Variants in CYP7B1 observed in about 807,000 individuals in gnomAD.
CYP7B1 encodes cytochrome P450 7B1.
CYP7B1 carries 29 observed loss-of-function variants against 42.7 expected under a neutral mutation model. That is an observed-to-expected ratio of 0.68 (90% CI 0.51 to 0.93). CYP7B1 has a LOEUF of 0.93. Ranked by LOEUF, CYP7B1 falls within the 40% of genes least tolerant of loss-of-function variation. The pLI is 0.00. For missense variants in CYP7B1, 655 were observed against 600.5 expected, an observed-to-expected ratio of 1.09 and a Z score of -0.95; for synonymous variants, 235 against 218.2, an observed-to-expected ratio of 1.08 and a Z score of -0.68.
chr8:64,656,411 A>G (rs759400226), intron 1 of CYP7B1, among the ~76,000 whole-genome samples: 22 of 152,202 alleles, frequency 1.4e-4, no homozygotes, highest in Non-Finnish European at 2.6e-4. Context: ...CAAGTGAGGT[A>G]ACTTTCTCAC....
At chr8:64,692,205 T>C (rs1246536353) in intron 1 of CYP7B1, among the ~76,000 whole-genome samples, 1 of 152,220 alleles carries the variant, frequency 6.6e-6, no homozygotes, top group African/African-American at 2.4e-5. Context: ...GTTACCTCCA[T>C]GTCAATAAGG....
At chr8:64,767,455 C>T (rs1045249236) in intron 1 of CYP7B1, among the ~76,000 whole-genome samples, 7 of 152,212 alleles carry the variant, frequency 4.6e-5, no homozygotes, top group African/African-American at 1.7e-4. Context: ...GGAAACCAAG[C>T]CCCAGTACTC....
intron 1 of CYP7B1, among the ~76,000 whole-genome samples, chr8:64,638,282 T>C (rs1194985873): frequency 6.6e-6 from 1 of 152,166 alleles, no homozygotes; most frequent in East Asian, 1.9e-4. Context: ...GCTGTGTGTG[T>C]GTTTGCAGGG....
intron 1 of CYP7B1, among the ~76,000 whole-genome samples, chr8:64,745,480 T>C (rs1286833976): frequency 2.0e-5 from 3 of 152,172 alleles, no homozygotes; most frequent in Non-Finnish European, 4.4e-5. Flanking sequence ...CTTTTGGAGA[T>C]TCTACATTTA....
chr8:64,734,510 T>C (rs181744515), intron 1 of CYP7B1: 1 of 152,318 alleles, frequency 6.6e-6, no homozygotes, highest in Non-Finnish European at 1.5e-5. Context: ...TCATAAGGCA[T>C]TAATCCATTC....
intron 1 of CYP7B1, among the ~76,000 whole-genome samples, chr8:64,768,171 C>T (rs1804140867): frequency 6.6e-6 from 1 of 152,096 alleles, no homozygotes; most frequent in Non-Finnish European, 1.5e-5. Flanking sequence ...AAAGAGGGTT[C>T]ACTAAAATAC....
At chr8:64,754,925 C>A (rs373012553) in intron 1 of CYP7B1, among the ~76,000 whole-genome samples, 1 of 152,214 alleles carries the variant, frequency 6.6e-6, no homozygotes, top group East Asian at 1.9e-4. Context: ...TCTTGAAGAT[C>A]TTAAGAGCAG....
intron 1 of CYP7B1, among the ~76,000 whole-genome samples, chr8:64,662,683 T>C (rs1408325859): frequency 6.6e-6 from 1 of 152,152 alleles, no homozygotes; most frequent in Admixed American, 6.5e-5. Context: ...CAGTGAAAAA[T>C]TGAGTACTTT....
At chr8:64,665,840 T>C (rs916835588) in intron 1 of CYP7B1, among the ~76,000 whole-genome samples, 41 of 152,194 alleles carry the variant, frequency 2.7e-4, no homozygotes, top group African/African-American at 9.9e-4. Context: ...CCTCCAAAAG[T>C]GTCAGGATTA....
intron 1 of CYP7B1, among the ~76,000 whole-genome samples, chr8:64,693,482 G>A (rs759422658): frequency 6.6e-5 from 10 of 152,162 alleles, no homozygotes; most frequent in South Asian, 4.1e-4. Flanking sequence ...ACAACACTGC[G>A]CAAGTGAGAT....
At chr8:64,659,063 C>G (rs1806162648) in intron 1 of CYP7B1, among the ~76,000 whole-genome samples, 1 of 152,170 alleles carries the variant, frequency 6.6e-6, no homozygotes, top group African/African-American at 2.4e-5. Flanking sequence ...GAAAAGCTAA[C>G]AGCAAAATAG....
At chr8:64,785,365 C>T (rs1276515363) in intron 1 of CYP7B1, among the ~76,000 whole-genome samples, 2 of 152,196 alleles carry the variant, frequency 1.3e-5, no homozygotes, top group Admixed American at 1.3e-4. Context: ...CATACTTACC[C>T]AAACGAGTTC....
Position 64,604,745 on chromosome 8 carries a change from T to C in CYP7B1, c.1170A>G (p.Gly390=). The C allele has an allele frequency of 6.2e-7, 1 of 1,614,092 alleles. No homozygotes were observed. The highest frequency in any genetic ancestry group is 1.3e-5 in the African/African-American group (1 of 75,004). Residue 390 remains glycine, a synonymous_variant, in exon 5 of 6, where the codon GGA becomes GGG. Coordinates refer to ENST00000310193, the MANE Select transcript of CYP7B1 (RefSeq NM_004820.5). The part of the protein sequence containing the change: ...SETGDYCVRK[G]DLVAIFPPVL... ...CTGGAGGAAAGATGGCTACCAAGTC[T>C]CCCTTTCGCACACAGTAGTCCCCGG... is the stretch of plus-strand genomic sequence containing the variant.
intron 1 of CYP7B1, among the ~76,000 whole-genome samples, chr8:64,705,233 G>T (rs1392664343): frequency 6.6e-6 from 1 of 151,670 alleles, no homozygotes; most frequent in Non-Finnish European, 1.5e-5. Flanking sequence ...AAAAGGTGGG[G>T]GGGGGAATCA....
At chr8:64,756,165 C>T (rs1807805291) in intron 1 of CYP7B1, among the ~76,000 whole-genome samples, 1 of 152,182 alleles carries the variant, frequency 6.6e-6, no homozygotes, top group Non-Finnish European at 1.5e-5. Context: ...TCTTTTCCCT[C>T]ATTTCCCCCC....
chr8:64,699,173 CTCTA>C, intron 1 of CYP7B1, among the ~76,000 whole-genome samples: 1 of 152,086 alleles, frequency 6.6e-6, no homozygotes, highest in Admixed American at 6.6e-5. Context: ...TTGTCAAAAC[CTCTA>C]TCTGTCAAGG....
At chr8:64,633,151 TATCTATGTAG>T (rs1266558330) in intron 1 of CYP7B1, among the ~76,000 whole-genome samples, 19 of 152,184 alleles carry the variant, frequency 1.2e-4, no homozygotes, top group Non-Finnish European at 2.2e-4. Context: ...TCCGGTACAC[TATCTATGTAG>T]ATCCTCAGTG....
chr8:64,726,974 G>T (rs982203733), intron 1 of CYP7B1, among the ~76,000 whole-genome samples: 41 of 152,138 alleles, frequency 2.7e-4, no homozygotes, highest in Non-Finnish European at 8.8e-5. Context: ...TGCACACCCT[G>T]AGACTATCAT....
At chr8:64,784,565 C>T (rs1200223155) in intron 1 of CYP7B1, among the ~76,000 whole-genome samples, 1 of 152,122 alleles carries the variant, frequency 6.6e-6, no homozygotes, top group Non-Finnish European at 1.5e-5. Flanking sequence ...CTGGTACTGG[C>T]ACATACTTAA....
Sources: gnomAD v4.1 joint callset for allele counts (sites outside exome capture counted in the v4.1 genomes callset) on GRCh38, gnomAD v4.1.1 for gene constraint, MANE v1.5 for transcripts, NCBI Gene and HGNC (gene_info 2026-07-23, HGNC 2026-07-21) for gene names.